The following PARG variants were observed in gnomAD, a reference collection of about 807,000 sequenced individuals.
PARG encodes mitochondrial poly(ADP-ribose) glycohydrolase.
Under a neutral mutation model 113.0 loss-of-function variants are expected in PARG, and 35 were observed. The ratio of observed to expected loss-of-function variants is 0.31; its 90% CI spans 0.24 to 0.41. PARG has a LOEUF of 0.41. Ranked by LOEUF, PARG falls within the 10% of genes least tolerant of loss-of-function variation. PARG has a pLI of 1.00. For synonymous variants in PARG, 330 were observed against 409.9 expected, an observed-to-expected ratio of 0.81 and a Z score of 2.36; for missense variants, 797 against 1,169.4, an observed-to-expected ratio of 0.68 and a Z score of 4.64.
rs1838611180 is a variant in PARG at position 49,933,801 on chromosome 10, A to G, written c.647T>C (p.Leu216Pro). ...DNQQFLTTVK[L>P]ANAKQTTEDE... ...TTCTGTAGTCTGCTTTGCATTTGCA[A>G]GCTTTACAGTTGTGAGAAACTGTTG... The change falls in exon 3 of 18, where the codon CTT (leucine) becomes CCT (proline). Residue 216 changes from leucine to proline, a missense_variant. This residue lies in a region of PARG where 284 missense variants were observed against 306.1 expected (regional missense o/e 0.93). Coordinates refer to ENST00000616448, the MANE Select transcript of PARG (RefSeq NM_003631.5). 6.2e-7 allele frequency: 1 copy of G among 1,613,274 alleles called. No individual in the cohort carries two copies. The highest frequency in any genetic ancestry group is 8.5e-7 in the Non-Finnish European group (1 of 1,179,404).
chr10:49,941,093 G>C (rs1438928195), intron 1 of PARG, among the ~76,000 whole-genome samples: 1 of 152,184 alleles, frequency 6.6e-6, no homozygotes, highest in Admixed American at 6.5e-5. Context: ...CCAGGGACGG[G>C]TACAATGCCA....
chr10:49,933,259 A>G lies in PARG; in HGVS notation c.1189T>C (p.Cys397Arg). ...TTTCCATGTTGCTTAGAATTTCTGC[A>G]TTCTACATTCAGGCTAGAAATATTT... ...PGNISSLNVE[C>R]RNSKQHGKKD... Residue 397 changes from cysteine to arginine, a missense_variant, in exon 3 of 18, where the codon TGC becomes CGC. Physicochemically the swap from Cys to Arg is radical, Grantham distance 180. Around this residue, in one of 5 missense-constraint regions of PARG, gnomAD observed 252 missense variants for 437.4 expected, o/e 0.58. Coordinates refer to ENST00000616448, the MANE Select transcript of PARG (RefSeq NM_003631.5). 4 of 1,598,632 alleles carry G rather than the reference A, an allele frequency of 2.5e-6. No homozygotes were observed. Among genetic ancestry groups the G allele is most frequent in the Non-Finnish European group, 3.4e-6 (4 of 1,169,412 alleles).
At chr10:49,928,408 T>C (rs1320962287) in intron 4 of PARG, among the ~76,000 whole-genome samples, 1 of 152,232 alleles carries the variant, frequency 6.6e-6, no homozygotes, top group African/African-American at 2.4e-5. Context: ...CCAGTTGAGC[T>C]TCACAAAAGG....
intron 8 of PARG, among the ~76,000 whole-genome samples, chr10:49,882,038 T>TA (rs1369704354): frequency 6.6e-6 from 1 of 152,218 alleles, no homozygotes; most frequent in Non-Finnish European, 1.5e-5. Context: ...AAAATGATTT[T>TA]AAAAATTAAT....
intron 7 of PARG, among the ~76,000 whole-genome samples, chr10:49,895,081 C>T (rs1554842404): frequency 1.3e-5 from 2 of 152,168 alleles, no homozygotes; most frequent in Non-Finnish European, 2.9e-5. Flanking sequence ...TTAGGGTACA[C>T]CATAATCCAG....
At chr10:49,898,771 T>C (rs1554843305) in intron 7 of PARG, among the ~76,000 whole-genome samples, 1 of 151,746 alleles carries the variant, frequency 6.6e-6, no homozygotes, top group Non-Finnish European at 1.5e-5. Context: ...TATCTTTCCT[T>C]CTTAACTCCA....
chr10:49,859,716 T>C (rs1554835627), intron 12 of PARG, among the ~76,000 whole-genome samples: 1 of 152,194 alleles, frequency 6.6e-6, no homozygotes, highest in Non-Finnish European at 1.5e-5. Flanking sequence ...TATGTTATTG[T>C]TTACTCTTTG....
intron 13 of PARG, among the ~76,000 whole-genome samples, chr10:49,846,490 C>A (rs1266336316): frequency 6.6e-6 from 1 of 150,836 alleles, no homozygotes; most frequent in Non-Finnish European, 1.5e-5. Context: ...AATTTTACTT[C>A]AAAAATAAAA....
chr10:49,932,387 C>A (rs1335331066), intron 3 of PARG, 104 bp from the exon 4 acceptor site: 3 of 722,622 alleles, frequency 4.2e-6, no homozygotes, highest in Admixed American at 2.2e-5. Context: ...TAAAGTATGC[C>A]ATACTTGGTC....
intron 10 of PARG, among the ~76,000 whole-genome samples, chr10:49,865,761 C>T (rs1430952063): frequency 6.7e-6 from 1 of 149,148 alleles, no homozygotes; most frequent in Non-Finnish European, 1.5e-5. Flanking sequence ...ACAGCTAATG[C>T]AATAAAGACA....
intron 13 of PARG, among the ~76,000 whole-genome samples, chr10:49,855,312 GA>G (rs1324999111): frequency 1.2e-4 from 10 of 85,910 alleles, no homozygotes; most frequent in Non-Finnish European, 1.8e-4. Flanking sequence ...TGAGCCTCAG[GA>G]ACAAGAAGAA....
chr10:49,906,246 G>T (rs145907065), intron 7 of PARG, among the ~76,000 whole-genome samples: 41 of 149,326 alleles, frequency 2.7e-4, no homozygotes, highest in Non-Finnish European at 5.5e-4. Flanking sequence ...GCCTCCCAAA[G>T]TATTGGGATT....
At chr10:49,862,817 G>T (rs564439134) in intron 11 of PARG, among the ~76,000 whole-genome samples, 1 of 151,930 alleles carries the variant, frequency 6.6e-6, no homozygotes, top group Non-Finnish European at 1.5e-5. Context: ...AAACAGTATC[G>T]TAAGTTTGAT....
intron 2 of PARG, among the ~76,000 whole-genome samples, 175 bp downstream of exon 2, chr10:49,934,901 T>C (rs1207380222): frequency 4.6e-5 from 7 of 150,816 alleles, no homozygotes; most frequent in Non-Finnish European, 1.0e-4. Context: ...ATCTCAAGTA[T>C]ACAGGACAGT....
intron 14 of PARG, 51 bp downstream of exon 14, chr10:49,843,503 C>A: frequency 8.5e-7 from 1 of 1,178,604 alleles, no homozygotes; most frequent in Non-Finnish European, 1.2e-6. Context: ...GGGTCAAGCC[C>A]AAATTCCTTT....
At chr10:49,888,871 C>T (rs1477878309) in intron 7 of PARG, among the ~76,000 whole-genome samples, 2 of 152,226 alleles carry the variant, frequency 1.3e-5, no homozygotes, top group Non-Finnish European at 2.9e-5. Context: ...TATATCTAAA[C>T]TCTGGGTTTT....
intron 13 of PARG, among the ~76,000 whole-genome samples, chr10:49,843,890 T>C (rs1041477092): frequency 2.0e-5 from 3 of 152,226 alleles, no homozygotes; most frequent in African/African-American, 7.2e-5. Context: ...CCAGGCGCAG[T>C]GGCTCATGCC....
At chr10:49,845,343 T>A (rs1845455061) in intron 13 of PARG, among the ~76,000 whole-genome samples, 1 of 152,168 alleles carries the variant, frequency 6.6e-6, no homozygotes, top group Non-Finnish European at 1.5e-5. Context: ...TTCCTTACAA[T>A]AGATTTGTAT....
intron 4 of PARG, among the ~76,000 whole-genome samples, chr10:49,923,269 T>C (rs1443569471): frequency 3.3e-5 from 5 of 152,190 alleles, no homozygotes; most frequent in Admixed American, 3.3e-4. Flanking sequence ...ATTATCTTTA[T>C]GAAGTCTTTA....
Sources: gnomAD v4.1 joint callset for allele counts (sites outside exome capture counted in the v4.1 genomes callset) on GRCh38, gnomAD v4.1.1 for gene constraint, gnomAD v4.1.1 regional missense constraint, MANE v1.5 for transcripts, NCBI Gene and HGNC (gene_info 2026-07-23, HGNC 2026-07-21) for gene names.